COL23A1: variants seen among roughly 807,000 people sequenced by gnomAD.
COL23A1 encodes collagen alpha-1(XXIII) chain.
COL23A1 carries 97 observed loss-of-function variants against 99.3 expected under a neutral mutation model. That is an observed-to-expected ratio of 0.98 (90% CI 0.83 to 1.16). The LOEUF (loss-of-function observed/expected upper bound fraction) is 1.16. Among genes scored for constraint, COL23A1 ranks in the 50% most tolerant of loss-of-function variants. The pLI, the probability that COL23A1 is intolerant of heterozygous loss-of-function variation, is 0.00. For missense variants in COL23A1, 762 were observed against 757.4 expected (o/e 1.01, Z -0.07); for synonymous variants, 320 against 308.2 (o/e 1.04, Z -0.40).
intron 2 of COL23A1, among the ~76,000 whole-genome samples, chr5:178,541,891 G>A (rs1761309237): frequency 6.6e-6 from 1 of 152,232 alleles, no homozygotes. Flanking sequence ...TCTCTTAGGT[G>A]AGAAATCGGG....
rs1314490339 is a variant in COL23A1 at position 178,280,232 on chromosome 5, C to T, written c.441+8092G>A. 2.0e-5 allele frequency among the ~76,000 whole-genome samples: 3 copies of T among 152,246 alleles called. No homozygotes were observed. Among genetic ancestry groups the T allele is most frequent in the African/African-American group, 4.8e-5 (2 of 41,478 alleles). On this transcript the variant is annotated intron_variant, in intron 5 of 28. Coordinates refer to ENST00000390654, the MANE Select transcript of COL23A1 (RefSeq NM_173465.4). The surrounding 1 kb of genome is among the most constrained non-coding windows in gnomAD (Gnocchi z 4.9). Reference sequence around the variant, plus strand: ...CTCGGGCCACAGCCTGGGCGATCAGCCAGGACGCTGGCCATTGAGGATGCA... The same window carrying T: ...CTCGGGCCACAGCCTGGGCGATCAGTCAGGACGCTGGCCATTGAGGATGCA...
intron 3 of COL23A1, among the ~76,000 whole-genome samples, chr5:178,300,950 G>A (rs1355255062): frequency 6.6e-6 from 1 of 152,132 alleles, no homozygotes; most frequent in African/African-American, 2.4e-5. Context: ...GGAGTTTGTT[G>A]AGCTTCTTAG....
chr5:178,563,649 A>G (rs978391429), intron 1 of COL23A1, among the ~76,000 whole-genome samples: 7 of 146,176 alleles, frequency 4.8e-5, no homozygotes, highest in Non-Finnish European at 1.0e-4. Context: ...CTCCCACTTC[A>G]GCCTCCTGAG....
At chr5:178,441,290 T>C (rs1023844891) in intron 2 of COL23A1, among the ~76,000 whole-genome samples, 14 of 152,236 alleles carry the variant, frequency 9.2e-5, no homozygotes, top group East Asian at 1.9e-4. Flanking sequence ...AGAAGTTCAA[T>C]GACTGCTGTA....
Position 178,553,151 on chromosome 5 carries a change from C to CA in COL23A1, c.361+7530dup, listed in dbSNP as rs1762096460. Among the ~76,000 whole-genome samples, 3 of 134,956 alleles carry CA rather than the reference C, an allele frequency of 2.2e-5. 1 individual carries two copies. In the South Asian group the frequency reaches 7.5e-4, roughly 34 times the overall value. The allele number at this position is 134,956 out of a possible 152,430, so 88.5% of individuals were successfully genotyped here. A position where few individuals can be genotyped will look rare whatever the true frequency, so the allele number is the denominator to read the frequency against. ...CACCACTGCACTTCTGCCTGGCCGA[C>CA]AGAGTGAGATCCTATCTTAAAAAAA... On this transcript the variant is annotated intron_variant, in intron 2 of 28. Coordinates refer to ENST00000390654, the MANE Select transcript of COL23A1 (RefSeq NM_173465.4).
At chr5:178,374,602 G>A (rs191520171) in intron 2 of COL23A1, among the ~76,000 whole-genome samples, 7 of 152,346 alleles carry the variant, frequency 4.6e-5, no homozygotes, top group East Asian at 1.9e-4. Context: ...CTGGGCTGCT[G>A]TAAGAGTTTA....
At chr5:178,419,458 C>G (rs909660112) in intron 2 of COL23A1, among the ~76,000 whole-genome samples, 5 of 152,214 alleles carry the variant, frequency 3.3e-5, no homozygotes, top group African/African-American at 1.2e-4. Context: ...GGCTCGGCAC[C>G]ACGACCTGAA....
intron 2 of COL23A1, among the ~76,000 whole-genome samples, chr5:178,328,855 T>C (rs1269444565): frequency 6.6e-6 from 1 of 152,114 alleles, no homozygotes; most frequent in African/African-American, 2.4e-5. Flanking sequence ...AATGTACAAA[T>C]TCATTTTCAC....
chr5:178,258,397 T>TC (rs1172404428), intron 12 of COL23A1, among the ~76,000 whole-genome samples: 2 of 102,578 alleles, frequency 1.9e-5, no homozygotes, highest in African/African-American at 7.4e-5. Flanking sequence ...GGGAGAGGTT[T>TC]TTTTTTTTTT....
At chr5:178,289,721 T>C (rs1757351667) in intron 4 of COL23A1, among the ~76,000 whole-genome samples, 2 of 152,186 alleles carry the variant, frequency 1.3e-5, no homozygotes, top group South Asian at 4.1e-4. Context: ...GCTACGGACA[T>C]GGTGCTAGCA....
intron 2 of COL23A1, among the ~76,000 whole-genome samples, chr5:178,461,019 G>C (rs1756092505): frequency 6.6e-6 from 1 of 152,186 alleles, no homozygotes; most frequent in South Asian, 2.1e-4. Context: ...AGCCCTTTAA[G>C]AGAGCTGCCC....
chr5:178,530,689 C>T (rs915295053), intron 2 of COL23A1, among the ~76,000 whole-genome samples: 2 of 151,680 alleles, frequency 1.3e-5, no homozygotes, highest in South Asian at 2.1e-4. Flanking sequence ...GCAGCCACAG[C>T]TCCCTCCGGC....
intron 2 of COL23A1, among the ~76,000 whole-genome samples, chr5:178,383,235 T>C (rs1763479244): frequency 6.6e-6 from 1 of 152,180 alleles, no homozygotes; most frequent in Non-Finnish European, 1.5e-5. Context: ...GTCTGGGAAC[T>C]GCACTTTGAG....
intron 2 of COL23A1, among the ~76,000 whole-genome samples, chr5:178,348,024 C>T (rs1761085462): frequency 6.6e-6 from 1 of 152,156 alleles, no homozygotes; most frequent in Non-Finnish European, 1.5e-5. Flanking sequence ...GATCATCCTC[C>T]CCTGTCCTGG....
At chr5:178,552,925 G>A (rs1382045390) in intron 2 of COL23A1, among the ~76,000 whole-genome samples, 1 of 151,926 alleles carries the variant, frequency 6.6e-6, no homozygotes, top group African/African-American at 2.4e-5. Context: ...GGCCAGGATG[G>A]TCTTGATCTT....
chr5:178,562,739 G>T (rs6899244), intron 1 of COL23A1: 8 of 140,692 alleles, frequency 5.7e-5, no homozygotes, highest in African/African-American at 1.8e-4. Flanking sequence ...CTGGTGGTGG[G>T]GGGGGTGCGG....
Position 178,290,629 on chromosome 5 carries a change from G to A in COL23A1, c.407-260C>T, listed in dbSNP as rs375538636. ...CACATGCATGGGTGCATGCATTCAT[G>A]TCACCAGGCAGCTTTGGGTTCTGGC... On this transcript the variant is annotated intron_variant, in intron 3 of 28. Transcript: ENST00000390654. 2.6e-5 allele frequency among the ~76,000 whole-genome samples: 4 copies of A among 152,332 alleles called. No individual in the cohort carries two copies. The East Asian group carries it at 5.8e-4, about 22-fold the overall frequency.
intron 2 of COL23A1, among the ~76,000 whole-genome samples, chr5:178,324,594 C>A (rs1465624084): frequency 6.6e-6 from 1 of 152,196 alleles, no homozygotes; most frequent in East Asian, 1.9e-4. Flanking sequence ...CAGGCAGAAG[C>A]CACCACCTTC....
chr5:178,526,004 G>C (rs1221980345), intron 2 of COL23A1, among the ~76,000 whole-genome samples: 2 of 152,260 alleles, frequency 1.3e-5, no homozygotes, highest in Admixed American at 1.3e-4. Flanking sequence ...AACAGCTTGA[G>C]GTAGTCAGCA....
Sources: allele counts gnomAD v4.1 joint callset (sites outside exome capture counted in the v4.1 genomes callset), GRCh38; gene constraint gnomAD v4.1.1; non-coding constraint Gnocchi (gnomAD v3.1); transcripts MANE v1.5; gene names NCBI Gene and HGNC (gene_info 2026-07-23, HGNC 2026-07-21).